The following PLPPR5 variants were observed in gnomAD, a reference collection of about 807,000 sequenced individuals.
PLPPR5 encodes the protein phospholipid phosphatase related 5.
Under a neutral mutation model 33.9 loss-of-function variants are expected in PLPPR5, and 16 were observed. The ratio of observed to expected loss-of-function variants is 0.47; its 90% confidence interval spans 0.32 to 0.72. The LOEUF (loss-of-function observed/expected upper bound fraction) is 0.72. Ranked by LOEUF, PLPPR5 falls within the 30% of genes least tolerant of loss-of-function variation. The probability of loss-of-function intolerance (pLI) is 0.03; values close to 1 mark genes in which losing one functional copy is unlikely to be tolerated. For synonymous variants in PLPPR5, 163 were observed against 150.3 expected (o/e 1.08, Z -0.62); for missense variants, 301 against 406.7 (o/e 0.74, Z 2.23).
chr1:98,934,204 A>C (rs366642), intron 3 of PLPPR5, among the ~76,000 whole-genome samples: 142,480 of 152,152 alleles, frequency 0.94, 66,805 homozygotes, highest in East Asian at 1. Context: ...TTTTCTGGGA[A>C]CTGGAGCTTG....
At chr1:98,965,574 C>T (rs972415912) in intron 1 of PLPPR5, among the ~76,000 whole-genome samples, 1 of 152,178 alleles carries the variant, frequency 6.6e-6, no homozygotes, top group Admixed American at 6.5e-5. Context: ...AGGTGTGAAT[C>T]ATAAATGTCT....
chr1:98,941,088 G>C (rs966594337), intron 3 of PLPPR5, among the ~76,000 whole-genome samples: 3 of 151,866 alleles, frequency 2.0e-5, no homozygotes, highest in African/African-American at 7.2e-5. Flanking sequence ...GGGTTCACTT[G>C]AAAGGCGTGG....
chr1:99,002,608 T>C (rs1323019378), intron 1 of PLPPR5, among the ~76,000 whole-genome samples: 2 of 152,194 alleles, frequency 1.3e-5, no homozygotes, highest in African/African-American at 4.8e-5. Flanking sequence ...AGGCACTAAA[T>C]AGTGACTAAT....
intron 1 of PLPPR5, among the ~76,000 whole-genome samples, chr1:99,003,074 T>C (rs1450249579): frequency 7.4e-6 from 1 of 135,808 alleles, no homozygotes; most frequent in African/African-American, 2.7e-5. Context: ...TATATATATA[T>C]ATATATATAT....
intron 5 of PLPPR5, among the ~76,000 whole-genome samples, chr1:98,898,440 C>T (rs1648564331): frequency 6.6e-6 from 1 of 152,096 alleles, no homozygotes. Context: ...CATTCACTTG[C>T]TTCATTCACT....
rs1411248661 is a variant in PLPPR5, at chr1:99,004,652, G to A, written c.20C>T (p.Ala7Val). The stretch of plus-strand genomic sequence containing the variant: ...GAAATAGAGCATGCTGCTGGTGAGC[G>A]CCGCGGGCAGCAGGGGCATGCACGC... The part of the protein sequence containing the change: MPLLPA[A>V]LTSSMLYFQM... Residue 7 changes from alanine to valine, a missense_variant, in exon 1 of 6, where the codon GCG (alanine) becomes GTG (valine). Ala to Val is a moderately conservative substitution (Grantham distance 64, BLOSUM62 0). Transcript: ENST00000263177. The A allele has an allele frequency of 1.2e-6, 2 of 1,611,330 alleles. No individual in the cohort carries two copies. The highest frequency in any genetic ancestry group is 1.7e-6 in the Non-Finnish European group (2 of 1,179,182).
At chr1:98,947,038 A>G (rs1281813283) in intron 3 of PLPPR5, among the ~76,000 whole-genome samples, 1 of 152,182 alleles carries the variant, frequency 6.6e-6, no homozygotes, top group African/African-American at 2.4e-5. Flanking sequence ...CCTAGAATAG[A>G]AAGTCCTCTT....
chr1:98,931,079 T>C (rs1033352022), intron 3 of PLPPR5, among the ~76,000 whole-genome samples: 1 of 152,154 alleles, frequency 6.6e-6, no homozygotes, highest in South Asian at 2.1e-4. Flanking sequence ...TCAAATCACA[T>C]CCTCAGCCTT....
At chr1:98,916,629 C>T (rs922580342) in intron 4 of PLPPR5, among the ~76,000 whole-genome samples, 6 of 152,184 alleles carry the variant, frequency 3.9e-5, no homozygotes, top group Non-Finnish European at 1.5e-5. Context: ...ACTTTCTTTA[C>T]AAAGATAGGC....
chr1:98,912,111 G>A (rs540554422), intron 5 of PLPPR5, among the ~76,000 whole-genome samples: 157 of 152,216 alleles, frequency 1.0e-3, no homozygotes, highest in African/African-American at 3.7e-3. Context: ...AGTTAAACAA[G>A]ACCTAATTTT....
At chr1:98,921,858 A>T in intron 4 of PLPPR5, 24 bp downstream of exon 4, 1 of 1,576,178 alleles carries the variant, frequency 6.3e-7, no homozygotes, top group Non-Finnish European at 8.6e-7. Context: ...AAACCCAATG[A>T]TATATAAATA....
intron 3 of PLPPR5, among the ~76,000 whole-genome samples, chr1:98,924,481 G>A (rs1228109825): frequency 6.6e-6 from 1 of 152,182 alleles, no homozygotes; most frequent in Non-Finnish European, 1.5e-5. Context: ...ACAGGAGAAA[G>A]GAGGCCACCA....
chr1:98,960,752 CTG>C, intron 1 of PLPPR5, among the ~76,000 whole-genome samples: 1 of 152,258 alleles, frequency 6.6e-6, no homozygotes, highest in Admixed American at 6.5e-5. Flanking sequence ...CACTGAGTCA[CTG>C]AGAGAATCTG....
At chr1:98,992,549 T>C (rs1010953240) in intron 1 of PLPPR5, among the ~76,000 whole-genome samples, 1 of 152,172 alleles carries the variant, frequency 6.6e-6, no homozygotes, top group African/African-American at 2.4e-5. Flanking sequence ...GGGTAGATTT[T>C]GGTTATATCC....
At chr1:98,931,812 G>A (rs1286241792) in intron 3 of PLPPR5, among the ~76,000 whole-genome samples, 2 of 151,996 alleles carry the variant, frequency 1.3e-5, no homozygotes, top group African/African-American at 4.8e-5. Flanking sequence ...GAAAATGGGA[G>A]GCCATAAAGG....
In PLPPR5 at chr1:98,912,184, T is replaced by C. The variant is rs543176702; in HGVS notation, c.933+2602A>G. Among the ~76,000 whole-genome samples the C allele has an allele frequency of 2.0e-5, 3 of 152,352 alleles. No homozygotes were observed. In the South Asian group the frequency reaches 6.2e-4, roughly 32 times the overall value. On this transcript the variant is annotated intron_variant, in intron 5 of 5. Transcript: ENST00000263177. ...TAGGTATGTGTCTCAAAACATTACA[T>C]TGTATAATTTTTCTCAGCTGCTTAT...
At chr1:98,932,849 A>C (rs1258960126) in intron 3 of PLPPR5, among the ~76,000 whole-genome samples, 1 of 152,164 alleles carries the variant, frequency 6.6e-6, no homozygotes, top group Non-Finnish European at 1.5e-5. Flanking sequence ...GTGATGACTT[A>C]TCCTCATTGA....
rs188374665 is a variant in PLPPR5, at chr1:98,915,817, C to A, written c.799-897G>T. On this transcript the variant is annotated intron_variant, in intron 4 of 5. Coordinates refer to ENST00000263177, the MANE Select transcript of PLPPR5 (RefSeq NM_001037317.2). The stretch of plus-strand genomic sequence containing the variant: ...GGAGTTGGCACTTCAAAAATGCATT[C>A]GAGAAGCTTCTAATGCAGGTGAATC... Among the ~76,000 whole-genome samples the A allele has an allele frequency of 3.7e-4, 56 of 152,142 alleles. No individual in the cohort carries two copies. In the East Asian group the frequency reaches 0.01, roughly 27 times the overall value.
chr1:98,936,337 G>C (rs1029749660), intron 3 of PLPPR5, among the ~76,000 whole-genome samples: 2 of 152,166 alleles, frequency 1.3e-5, no homozygotes, highest in African/African-American at 4.8e-5. Flanking sequence ...ATTCTGAAGT[G>C]GGCTGCTGAA....
Sources: allele counts gnomAD v4.1 joint callset (sites outside exome capture counted in the v4.1 genomes callset), GRCh38; gene constraint gnomAD v4.1.1; transcripts MANE v1.5; gene names NCBI Gene and HGNC (gene_info 2026-07-23, HGNC 2026-07-21).